Variants in SORL1 observed in about 807,000 individuals in gnomAD.
SORL1 encodes the protein sortilin related receptor 1, also known as sortilin-related receptor.
Under a neutral mutation model 273.7 loss-of-function variants are expected in SORL1, and 127 were observed. That is an observed-to-expected ratio of 0.46 (90% CI 0.40 to 0.54). The LOEUF (loss-of-function observed/expected upper bound fraction) is 0.54. SORL1 is among the 20% of genes least tolerant of loss of function. The probability of loss-of-function intolerance (pLI) is 0.00; values close to 1 mark genes in which losing one functional copy is unlikely to be tolerated. For synonymous variants in SORL1, 1,031 were observed against 1,067.4 expected, an observed-to-expected ratio of 0.97 and a Z score of 0.66; for missense variants, 2,494 against 2,846.1, an observed-to-expected ratio of 0.88 and a Z score of 2.81.
Position 121,619,748 on chromosome 11 carries a change from T to G in SORL1, c.5725-5T>G. On this transcript the variant is annotated splice_region_variant and splice_polypyrimidine_tract_variant and intron_variant, in intron 42 of 47. Coordinates refer to ENST00000260197, the MANE Select transcript of SORL1 (RefSeq NM_003105.6). Reference sequence around the variant, plus strand: ...TTTTTTCCTACGTGTGTGCTTGGGCTTCAGGTCCGTGTAGTGGTACCCTAC... The same window carrying G: ...TTTTTTCCTACGTGTGTGCTTGGGCGTCAGGTCCGTGTAGTGGTACCCTAC... 1 of 1,610,708 alleles carries G rather than the reference T, an allele frequency of 6.2e-7. No individual in the cohort carries two copies. Among genetic ancestry groups the G allele is most frequent in the South Asian group, 1.1e-5 (1 of 90,812 alleles).
chr11:121,589,378 G>A lies in SORL1; in HGVS notation c.4066G>A (p.Glu1356Lys). 1 of 1,613,330 alleles carries A rather than the reference G, an allele frequency of 6.2e-7. No homozygotes were observed. The highest frequency in any genetic ancestry group is 8.5e-7 in the Non-Finnish European group (1 of 1,179,294). Residue 1356 changes from glutamate (E) to lysine (K), a missense_variant, in exon 29 of 48, where the codon GAA (glutamate) becomes AAA (lysine). By Grantham distance (56) the Glu-to-Lys change is moderately conservative. Around this residue, in one of 3 missense-constraint regions of SORL1, gnomAD observed 1,609 missense variants for 1,816.4 expected, o/e 0.89. Transcript: ENST00000260197. ...GGATGATTGCGGCGATTATTCTGAT[G>A]AAGCCAACTGCGGTAAGATGTCCAG... ...GMDDCGDYSD[E>K]ANCENPTEAP...
chr11:121,546,228 A>T (rs1211752807), intron 14 of SORL1, among the ~76,000 whole-genome samples: 1 of 152,204 alleles, frequency 6.6e-6, no homozygotes, highest in Non-Finnish European at 1.5e-5. Context: ...AGAATACAGT[A>T]GGGGAGAAAG....
chr11:121,538,663 T>G (rs2134879866), intron 12 of SORL1, among the ~76,000 whole-genome samples: 1 of 152,194 alleles, frequency 6.6e-6, no homozygotes, highest in South Asian at 2.1e-4. Context: ...TTTTTTTGGT[T>G]TGAATTGTAT....
At chr11:121,462,284 A>G (rs890205186) in intron 1 of SORL1, among the ~76,000 whole-genome samples, 1 of 152,124 alleles carries the variant, frequency 6.6e-6, no homozygotes, top group Admixed American at 6.5e-5. Flanking sequence ...TAATTTTTCA[A>G]ACACAGCAAG....
At chr11:121,616,186 C>T (rs1185149384) in intron 41 of SORL1, among the ~76,000 whole-genome samples, 1 of 152,154 alleles carries the variant, frequency 6.6e-6, no homozygotes, top group Non-Finnish European at 1.5e-5. Flanking sequence ...CAGAGTAGGG[C>T]AATTGCACAG....
At chr11:121,456,798 C>T (rs1229390077) in intron 1 of SORL1, among the ~76,000 whole-genome samples, 5 of 152,164 alleles carry the variant, frequency 3.3e-5, no homozygotes, top group Non-Finnish European at 7.3e-5. Flanking sequence ...TATTCAGTGT[C>T]CTGATTTGAG....
intron 25 of SORL1, among the ~76,000 whole-genome samples, chr11:121,581,423 G>A (rs953129282): frequency 1.3e-5 from 2 of 152,098 alleles, no homozygotes; most frequent in African/African-American, 2.4e-5. Flanking sequence ...AGATTTCCAC[G>A]ATTGTTTACC....
intron 6 of SORL1, among the ~76,000 whole-genome samples, chr11:121,503,139 G>A (rs1861737072): frequency 6.6e-6 from 1 of 152,062 alleles, no homozygotes; most frequent in Non-Finnish European, 1.5e-5. Flanking sequence ...CAAAGTGTTG[G>A]GATTGTAGGC....
At chr11:121,557,705 A>T (rs1398272277) in intron 19 of SORL1, among the ~76,000 whole-genome samples, 2 of 152,226 alleles carry the variant, frequency 1.3e-5, no homozygotes, top group African/African-American at 4.8e-5. Flanking sequence ...CTGCTTGGAT[A>T]TTGTGAGAAC....
chr11:121,499,795 G>A lies in SORL1; in HGVS notation c.939+2746G>A, dbSNP rs150762977. On this transcript the variant is annotated intron_variant, in intron 6 of 47. Transcript: ENST00000260197. ...TGCCTGAGCTTGGGAAATTCCAGCT[G>A]GCTTTAGTGTTAAATGAATTCAAAT... 4.8e-3 allele frequency among the ~76,000 whole-genome samples: 730 copies of A among 152,296 alleles called. 5 individuals carry two copies. Among genetic ancestry groups the A allele is most frequent in the African/African-American group, 0.017 (701 of 41,552 alleles).
At chr11:121,521,126 G>C (rs1021255916) in intron 9 of SORL1, among the ~76,000 whole-genome samples, 4 of 151,502 alleles carry the variant, frequency 2.6e-5, no homozygotes, top group African/African-American at 9.7e-5. Flanking sequence ...ACCATTACTT[G>C]GTCTTTTGGA....
rs565123978 is a variant in SORL1, at chr11:121,595,118, G to A, written c.4370-505G>A. Among the ~76,000 whole-genome samples, 3 of 152,284 alleles carry A rather than the reference G, an allele frequency of 2.0e-5. No homozygotes were observed. The South Asian group carries it at 6.2e-4, about 32-fold the overall frequency. ...CATTCTTCTATTGGGGTGACGTATG[G>A]GTTGGTTGCCTCGTGGGACTGATAG... On this transcript the variant is annotated intron_variant, in intron 31 of 47. Transcript: ENST00000260197. This position sits in a 1 kb window ranked among gnomAD's most constrained non-coding sequence, Gnocchi z 5.1.
chr11:121,604,470 G>A, intron 33 of SORL1, 146 bp downstream of exon 33: 1 of 1,114,024 alleles, frequency 9.0e-7, no homozygotes, highest in Non-Finnish European at 1.2e-6. Flanking sequence ...CCTAGTTTTG[G>A]AGCCCCAAGT....
Position 121,604,515 on chromosome 11 carries a change from C to T in SORL1, c.4651+191C>T, listed in dbSNP as rs182775995. Among the ~76,000 whole-genome samples the T allele has an allele frequency of 3.5e-4, 54 of 152,160 alleles. No homozygotes were observed. In the East Asian group the frequency reaches 0.01, roughly 28 times the overall value. ...CTTGGCCAGACTCTGATACAACATG[C>T]AGCTGTCTCCTCCCTGTTAGTGAAA... is the stretch of plus-strand genomic sequence containing the variant. On this transcript the variant is annotated intron_variant, in intron 33 of 47. Coordinates refer to ENST00000260197, the MANE Select transcript of SORL1 (RefSeq NM_003105.6).
In SORL1 at chr11:121,625,268, C is replaced by G. The variant is rs1325531298; in HGVS notation, c.6355C>G (p.Leu2119Val). ...GCCTGCCATCCTGCTGTACGATGAG[C>G]TGGGGTCTGGTGAGTTGCGATTGCT... Reference protein sequence around the residue: ...GEPAILLYDELGSGADASATQ... With the variant: ...GEPAILLYDEVGSGADASATQ... Residue 2119 changes from leucine (L) to valine (V), a missense_variant, in exon 46 of 48, where the codon CTG (leucine) becomes GTG (valine). Around this residue, in one of 3 missense-constraint regions of SORL1, gnomAD observed 1,609 missense variants for 1,816.4 expected, o/e 0.89. Transcript: ENST00000260197. 6.2e-7 allele frequency: 1 copy of G among 1,611,880 alleles called. No individual in the cohort carries two copies.
chr11:121,489,286 A>G (rs1861517800), intron 4 of SORL1, among the ~76,000 whole-genome samples: 1 of 152,144 alleles, frequency 6.6e-6, no homozygotes, highest in Non-Finnish European at 1.5e-5. Flanking sequence ...GTGTAGTGAT[A>G]TTGAGTATAT....
rs775358261 is a variant in SORL1 at position 121,472,495 on chromosome 11, G to A, written c.402+2372G>A. 3.9e-5 allele frequency among the ~76,000 whole-genome samples: 6 copies of A among 152,176 alleles called. No homozygotes were observed. In the East Asian group the frequency reaches 9.6e-4, roughly 24 times the overall value. ...AGGCCCAATCATGTACTCAGTGTGC[G>A]AAGATGTGGTATTAGGGTGACCAAC... is the stretch of plus-strand genomic sequence containing the variant. On this transcript the variant is annotated intron_variant, in intron 2 of 47. Coordinates refer to ENST00000260197, the MANE Select transcript of SORL1 (RefSeq NM_003105.6).
chr11:121,582,500 G>A (rs1355129852), intron 25 of SORL1, among the ~76,000 whole-genome samples: 1 of 152,228 alleles, frequency 6.6e-6, no homozygotes, highest in Non-Finnish European at 1.5e-5. Context: ...CTGTTTCAGA[G>A]GAGGAAGAGG....
intron 19 of SORL1, 83 bp downstream of exon 19, chr11:121,557,488 A>G (rs1862608985): frequency 9.5e-7 from 1 of 1,055,808 alleles, no homozygotes; most frequent in Admixed American, 1.8e-5. Context: ...CTGCGGGACA[A>G]AAACTCTGTT....
Sources: allele counts gnomAD v4.1 joint callset (sites outside exome capture counted in the v4.1 genomes callset), GRCh38; gene constraint gnomAD v4.1.1; regional missense constraint gnomAD v4.1.1; non-coding constraint Gnocchi (gnomAD v3.1); transcripts MANE v1.5; gene names NCBI Gene and HGNC (gene_info 2026-07-23, HGNC 2026-07-21).